RERE: variants seen among roughly 807,000 people sequenced by gnomAD.
RERE encodes arginine-glutamic acid dipeptide repeats, also known as arginine-glutamic acid dipeptide repeats protein.
In RERE, 40 loss-of-function variants were observed where a neutral mutation model predicts 146.1. That is an observed-to-expected ratio of 0.27 (90% confidence interval 0.21 to 0.36). RERE has a LOEUF of 0.36. Ranked by LOEUF, RERE falls within the 10% of genes least tolerant of loss-of-function variation. The probability of loss-of-function intolerance (pLI) is 1.00; values close to 1 mark genes in which losing one functional copy is unlikely to be tolerated. For synonymous variants in RERE, 1,003 were observed against 866.0 expected (o/e 1.16, Z -2.78); for missense variants, 1,933 against 2,138.7 (o/e 0.90, Z 1.90).
chr1:8,370,050 A>T (rs1178728609), intron 12 of RERE, among the ~76,000 whole-genome samples: 1 of 152,050 alleles, frequency 6.6e-6, no homozygotes, highest in Non-Finnish European at 1.5e-5. Context: ...TCGGCCTCCC[A>T]AAGTGCTGGG....
At chr1:8,389,255 G>A (rs1391352303) in intron 12 of RERE, among the ~76,000 whole-genome samples, 1 of 152,112 alleles carries the variant, frequency 6.6e-6, no homozygotes, top group African/African-American at 2.4e-5. Context: ...TAGCCTCAGG[G>A]GTATGAAGAA....
intron 1 of RERE, among the ~76,000 whole-genome samples, chr1:8,681,162 G>A (rs994598903): frequency 6.6e-6 from 1 of 152,098 alleles, no homozygotes; most frequent in Non-Finnish European, 1.5e-5. Flanking sequence ...ACGGGGCAGG[G>A]GGCAGGAGAG....
chr1:8,567,358 TCA>T (rs1453278612), intron 4 of RERE, among the ~76,000 whole-genome samples: 2 of 152,206 alleles, frequency 1.3e-5, no homozygotes, highest in African/African-American at 4.8e-5. Flanking sequence ...AGATGACTAT[TCA>T]CAGTGTTTAC....
chr1:8,459,289 G>C (rs567402907), intron 11 of RERE, among the ~76,000 whole-genome samples: 1 of 152,240 alleles, frequency 6.6e-6, no homozygotes, highest in African/African-American at 2.4e-5. Context: ...ATAATATGGA[G>C]TAATATGTAC....
chr1:8,606,877 G>A (rs534265344), intron 4 of RERE, among the ~76,000 whole-genome samples: 17 of 152,204 alleles, frequency 1.1e-4, no homozygotes, highest in Non-Finnish European at 1.6e-4. Context: ...CGATCTAATC[G>A]TAAAACATGA....
chr1:8,411,360 C>T (rs1337247659), intron 12 of RERE, among the ~76,000 whole-genome samples: 1 of 147,836 alleles, frequency 6.8e-6, no homozygotes, highest in Admixed American at 6.8e-5. Flanking sequence ...TGCTAGCTTG[C>T]TCGGGCTGAA....
At chr1:8,763,148 A>G (rs1640786096) in intron 1 of RERE, among the ~76,000 whole-genome samples, 2 of 152,348 alleles carry the variant, frequency 1.3e-5, no homozygotes, top group East Asian at 3.9e-4. Flanking sequence ...TATTTACCTC[A>G]GTAAAGTTAC....
At chr1:8,411,810 G>A (rs187559150) in intron 12 of RERE, among the ~76,000 whole-genome samples, 8 of 152,212 alleles carry the variant, frequency 5.3e-5, no homozygotes, top group African/African-American at 1.7e-4. Context: ...TATCCAAAAC[G>A]TGTAGTTTGC....
At chr1:8,765,999 GCTA>G (rs1640838760) in intron 1 of RERE, among the ~76,000 whole-genome samples, 1 of 151,944 alleles carries the variant, frequency 6.6e-6, no homozygotes, top group East Asian at 1.9e-4. Context: ...TGTAATCCTA[GCTA>G]CTTGGGAGGC....
chr1:8,681,153 C>T (rs931629267), intron 1 of RERE, among the ~76,000 whole-genome samples: 1 of 152,090 alleles, frequency 6.6e-6, no homozygotes, highest in Non-Finnish European at 1.5e-5. Flanking sequence ...ATAAAACAAA[C>T]GGGGCAGGGG....
At chr1:8,730,656 T>C (rs1027251721) in intron 1 of RERE, among the ~76,000 whole-genome samples, 2 of 152,218 alleles carry the variant, frequency 1.3e-5, no homozygotes, top group African/African-American at 4.8e-5. Context: ...TTTTGTTTTT[T>C]GAGACAGAGT....
chr1:8,681,256 T>C (rs979633131), intron 1 of RERE, among the ~76,000 whole-genome samples: 5 of 152,196 alleles, frequency 3.3e-5, no homozygotes, highest in Non-Finnish European at 7.3e-5. Context: ...AGAAATTTTA[T>C]ATACAAGGAA....
chr1:8,716,655 T>A (rs1487424986), intron 1 of RERE, among the ~76,000 whole-genome samples: 3 of 151,992 alleles, frequency 2.0e-5, no homozygotes, highest in Non-Finnish European at 1.5e-5. Context: ...ATTAAGTACG[T>A]GCACATATAT....
chr1:8,390,316 G>T (rs1398095244), intron 12 of RERE, among the ~76,000 whole-genome samples: 2 of 152,164 alleles, frequency 1.3e-5, no homozygotes, highest in East Asian at 3.8e-4. Context: ...CCCCACCCCA[G>T]GTAGGGAAGC....
At chr1:8,524,275 T>TAA (rs1346561492) in intron 7 of RERE, among the ~76,000 whole-genome samples, 1 of 152,190 alleles carries the variant, frequency 6.6e-6, no homozygotes, top group Non-Finnish European at 1.5e-5. Flanking sequence ...ACGCACACCC[T>TAA]AAATTATCCT....
intron 4 of RERE, among the ~76,000 whole-genome samples, chr1:8,609,677 A>G (rs1288182077): frequency 6.6e-6 from 1 of 152,234 alleles, no homozygotes; most frequent in Non-Finnish European, 1.5e-5. Flanking sequence ...TTTCTAAGCA[A>G]CAAGTAGGTA....
At chr1:8,642,533 T>G (rs189267870) in intron 2 of RERE, among the ~76,000 whole-genome samples, 1 of 152,316 alleles carries the variant, frequency 6.6e-6, no homozygotes, top group Non-Finnish European at 1.5e-5. Context: ...AATAGACTTT[T>G]TAAAAATAGA....
chr1:8,511,589 A>G (rs549330285), intron 7 of RERE, among the ~76,000 whole-genome samples: 1 of 152,278 alleles, frequency 6.6e-6, no homozygotes, highest in South Asian at 2.1e-4. Flanking sequence ...ACACCACCTT[A>G]GACAAAGCTT....
At chr1:8,567,030 C>G (rs536218040) in intron 4 of RERE, among the ~76,000 whole-genome samples, 1 of 152,238 alleles carries the variant, frequency 6.6e-6, no homozygotes, top group East Asian at 1.9e-4. Flanking sequence ...ACCTCGTGAT[C>G]CGCCTGACTC....
Sources: gnomAD v4.1 joint callset for allele counts (sites outside exome capture counted in the v4.1 genomes callset) on GRCh38, gnomAD v4.1.1 for gene constraint, MANE v1.5 for transcripts, NCBI Gene and HGNC (gene_info 2026-07-23, HGNC 2026-07-21) for gene names.